The following PKIB variants were observed in gnomAD, a reference collection of about 807,000 sequenced individuals.
PKIB encodes PKI-beta.
A neutral mutation model predicts 4.5 loss-of-function variants in PKIB; 2 were observed. The observed-to-expected ratio is 0.44, with a 90% CI of 0.18 to 1.39. The LOEUF is 1.39. PKIB is among the 40% of genes most tolerant of loss of function. The probability of loss-of-function intolerance (pLI) is 0.27; values close to 1 mark genes in which losing one functional copy is unlikely to be tolerated. For missense variants in PKIB, 94 were observed against 92.6 expected, an observed-to-expected ratio of 1.02 and a Z score of -0.06; for synonymous variants, 38 against 36.0, an observed-to-expected ratio of 1.06 and a Z score of -0.20.
chr6:122,709,149 TA>T (rs1333497180), intron 3 of PKIB, among the ~76,000 whole-genome samples: 2 of 152,172 alleles, frequency 1.3e-5, no homozygotes, highest in Non-Finnish European at 2.9e-5. Context: ...GTAAAATAGA[TA>T]ATATAAATCC....
chr6:122,481,658 CAGTA>C (rs1194007539), intron 2 of PKIB: 23 of 151,980 alleles, frequency 1.5e-4, no homozygotes, highest in South Asian at 1.5e-3. Flanking sequence ...GTTTACAAAA[CAGTA>C]TGTATGTGTG....
rs1191611697 is a variant in PKIB at position 122,726,076 on chromosome 6, C to T, written c.*881C>T. On this transcript the variant is annotated 3_prime_UTR_variant, in exon 5 of 5. Transcript: ENST00000368452. ...TTAAAGTAGCTAACATAGCAGTAGG[C>T]ACTTAAGCATTTAGTCAATGATATT... The T allele has an allele frequency of 1.3e-5, 2 of 151,894 alleles. No individual in the cohort carries two copies. The highest frequency in any genetic ancestry group is 3.8e-4 in the East Asian group (2 of 5,200). The allele number at this position is 151,894 out of a possible 1,614,324, so 9.4% of individuals were successfully genotyped here.
chr6:122,640,696 C>T (rs967807384), intron 2 of PKIB, among the ~76,000 whole-genome samples: 1 of 152,136 alleles, frequency 6.6e-6, no homozygotes, highest in East Asian at 1.9e-4. Flanking sequence ...TGAACTAGAG[C>T]AAGATTATGC....
At chr6:122,544,585 G>GTAT (rs546390176) in intron 2 of PKIB, among the ~76,000 whole-genome samples, 70 of 152,050 alleles carry the variant, frequency 4.6e-4, no homozygotes, top group African/African-American at 1.7e-3. Flanking sequence ...GGAGAATGAT[G>GTAT]GAATATGTAG....
At chr6:122,661,416 A>G (rs1776987673) in intron 2 of PKIB, among the ~76,000 whole-genome samples, 1 of 152,156 alleles carries the variant, frequency 6.6e-6, no homozygotes, top group Non-Finnish European at 1.5e-5. Context: ...TTGTTTTGTA[A>G]ATTTGCATAT....
chr6:122,652,569 A>C (rs1396287590), intron 2 of PKIB, among the ~76,000 whole-genome samples: 1 of 152,130 alleles, frequency 6.6e-6, no homozygotes, highest in Non-Finnish European at 1.5e-5. Flanking sequence ...GATGTTACAT[A>C]TATCTACAAA....
intron 1 of PKIB, among the ~76,000 whole-genome samples, chr6:122,630,795 A>G (rs971550939): frequency 3.3e-5 from 5 of 152,278 alleles, no homozygotes; most frequent in Middle Eastern, 3.4e-3. Context: ...GATCCTCAGT[A>G]TACTGTTTGG....
At chr6:122,631,257 C>T (rs958973839) in intron 1 of PKIB, among the ~76,000 whole-genome samples, 2 of 152,176 alleles carry the variant, frequency 1.3e-5, no homozygotes, top group Non-Finnish European at 1.5e-5. Context: ...CCACATATGG[C>T]AGTCGAGTTA....
intron 3 of PKIB, among the ~76,000 whole-genome samples, chr6:122,703,773 TACAC>T (rs1310335900): frequency 1.3e-5 from 2 of 150,634 alleles, no homozygotes; most frequent in African/African-American, 4.9e-5. Context: ...CATATATACA[TACAC>T]ACACATATAT....
At chr6:122,586,033 G>T (rs957864045) in intron 3 of PKIB, 1 of 152,072 alleles carries the variant, frequency 6.6e-6, no homozygotes, top group Non-Finnish European at 1.5e-5. Context: ...TAGTGATCAC[G>T]TTTTGTCATG....
chr6:122,583,699 A>G (rs1582713997), intron 2 of PKIB, among the ~76,000 whole-genome samples: 1 of 152,114 alleles, frequency 6.6e-6, no homozygotes, highest in Non-Finnish European at 1.5e-5. Context: ...AAACACCATT[A>G]ATCATAATGA....
At chr6:122,604,802 A>G (rs1774475507) in intron 3 of PKIB, among the ~76,000 whole-genome samples, 1 of 152,208 alleles carries the variant, frequency 6.6e-6, no homozygotes, top group African/African-American at 2.4e-5. Context: ...TTCTTTTCAT[A>G]TGCCCTGCTA....
At chr6:122,694,146 C>T (rs1778463083) in intron 3 of PKIB, among the ~76,000 whole-genome samples, 2 of 152,094 alleles carry the variant, frequency 1.3e-5, no homozygotes, top group African/African-American at 2.4e-5. Flanking sequence ...TACCCTCACC[C>T]CCAAGAGTAT....
chr6:122,559,112 C>CAT (rs1251389785), intron 2 of PKIB, among the ~76,000 whole-genome samples: 7 of 151,858 alleles, frequency 4.6e-5, no homozygotes, highest in South Asian at 2.1e-4. Context: ...AGTATTCCAT[C>CAT]ATATATATAT....
chr6:122,597,611 T>C (rs1378935458), intron 3 of PKIB, among the ~76,000 whole-genome samples: 1 of 152,222 alleles, frequency 6.6e-6, no homozygotes, highest in Non-Finnish European at 1.5e-5. Flanking sequence ...CACACCTGTG[T>C]CTTTCAAGTC....
intron 1 of PKIB, among the ~76,000 whole-genome samples, chr6:122,619,326 C>CT (rs1222980779): frequency 6.6e-6 from 1 of 151,966 alleles, no homozygotes; most frequent in Admixed American, 6.6e-5. Flanking sequence ...CTTTTTACAT[C>CT]TTTTGTTTCT....
chr6:122,480,446 C>T (rs1474162038), intron 2 of PKIB: 2 of 152,022 alleles, frequency 1.3e-5, no homozygotes, highest in Non-Finnish European at 2.9e-5. Flanking sequence ...TTTGAGTAAT[C>T]GATGCATACA....
At chr6:122,543,597 C>G (rs774436177) in intron 2 of PKIB, among the ~76,000 whole-genome samples, 75 of 151,982 alleles carry the variant, frequency 4.9e-4, no homozygotes, top group African/African-American at 1.6e-3. Context: ...CCAGACTGGT[C>G]TTGAGCTCCT....
chr6:122,517,745 T>C (rs1436400374), intron 2 of PKIB, among the ~76,000 whole-genome samples: 4 of 152,246 alleles, frequency 2.6e-5, no homozygotes, highest in Non-Finnish European at 2.9e-5. Context: ...ATTCTGTTTT[T>C]AGTAGTGGCA....
Sources: gnomAD v4.1 joint callset for allele counts (sites outside exome capture counted in the v4.1 genomes callset) on GRCh38, gnomAD v4.1.1 for gene constraint, MANE v1.5 for transcripts, NCBI Gene and HGNC (gene_info 2026-07-23, HGNC 2026-07-21) for gene names.